Variants in GATM observed in about 807,000 individuals in gnomAD.
The protein encoded by GATM is glycine amidinotransferase.
A neutral mutation model predicts 54.2 loss-of-function variants in GATM; 23 were observed. The observed-to-expected ratio is 0.42, with a 90% CI of 0.31 to 0.60. The LOEUF (loss-of-function observed/expected upper bound fraction) is 0.60. Ranked by LOEUF, GATM falls within the 20% of genes least tolerant of loss-of-function variation. The pLI is 0.14. For synonymous variants in GATM, 168 were observed against 183.1 expected (o/e 0.92, Z 0.67); for missense variants, 401 against 544.9 (o/e 0.74, Z 2.63).
In GATM at chr15:45,361,229, A is replaced by C. The variant is rs989387340; in HGVS notation, c.*880T>G. 17 of 152,186 alleles carry C rather than the reference A, an allele frequency of 1.1e-4. 1 individual carries two copies. Among genetic ancestry groups the C allele is most frequent in the Admixed American group, 9.8e-4 (15 of 15,284 alleles). The allele number at this position is 152,186 out of a possible 1,614,324, so 9.4% of individuals were successfully genotyped here. ...GGTTTTACCTCCATTAGTTTTTTTTAATGCTTATAAAGTCTATGCTCTAAA... is the reference window on the plus strand; with the variant it reads ...GGTTTTACCTCCATTAGTTTTTTTTCATGCTTATAAAGTCTATGCTCTAAA... On this transcript the variant is annotated 3_prime_UTR_variant, in exon 9 of 9. Transcript: ENST00000396659.
chr15:45,363,313 T>C (rs754695383), intron 8 of GATM, among the ~76,000 whole-genome samples: 2 of 152,158 alleles, frequency 1.3e-5, no homozygotes, highest in African/African-American at 2.4e-5. Flanking sequence ...TGAAAATCCT[T>C]TCCCTTCAAC....
intron 2 of GATM, among the ~76,000 whole-genome samples, chr15:45,398,088 G>T (rs1031597631): frequency 6.6e-6 from 1 of 152,116 alleles, no homozygotes; most frequent in Admixed American, 6.6e-5. Context: ...TTAATTATCA[G>T]ATTTATTCAC....
At chr15:45,376,198 G>C (rs906630943) in intron 2 of GATM, among the ~76,000 whole-genome samples, 4 of 152,204 alleles carry the variant, frequency 2.6e-5, no homozygotes, top group Admixed American at 6.5e-5. Context: ...CCCGTAAGGA[G>C]TTTAACTCGT....
intron 8 of GATM, chr15:45,363,650 A>C: frequency 1.8e-6 from 1 of 558,610 alleles, no homozygotes; most frequent in Non-Finnish European, 3.2e-6. Context: ...AACGTTGGCT[A>C]AGTCATATAA....
chr15:45,376,847 T>C (rs1186438276), intron 1 of GATM, 28 bp from the exon 2 acceptor site: 5 of 1,579,964 alleles, frequency 3.2e-6, no homozygotes, highest in African/African-American at 1.3e-5. Flanking sequence ...AAGATTATTG[T>C]ATTGCATTGC....
upstream of GATM, chr15:45,380,103 G>A (rs1204379397): frequency 3.2e-5 from 4 of 126,264 alleles, no homozygotes; most frequent in African/African-American, 1.2e-4. Flanking sequence ...CAGCCTGGGC[G>A]ACAGAGCTAG....
chr15:45,392,100 T>A (rs1253914707), intron 3 of GATM, among the ~76,000 whole-genome samples: 1 of 152,188 alleles, frequency 6.6e-6, no homozygotes, highest in Non-Finnish European at 1.5e-5. Context: ...ATGTAACTCA[T>A]AGAGTTATGA....
At chr15:45,396,033 A>G (rs1889924792) in intron 3 of GATM, 1 of 152,234 alleles carries the variant, frequency 6.6e-6, no homozygotes, top group South Asian at 2.1e-4. Flanking sequence ...AGGGTTTAGA[A>G]AGACAAGGAT....
rs1160942187 is a variant in GATM at position 45,364,355 on chromosome 15, G to C, written c.1043-339C>G. 13 of 326,302 alleles carry C rather than the reference G, an allele frequency of 4.0e-5. No homozygotes were observed. The East Asian group carries it at 8.7e-4, about 22-fold the overall frequency. 20.2% of individuals were successfully genotyped at this position (326,302 alleles called of 1,614,324 possible). On this transcript the variant is annotated intron_variant, in intron 7 of 8. Transcript: ENST00000396659. ...GGTGCCTCACTGGGGAACACAGCAA[G>C]ACATCATCTCTACAAATAAAAAAAA...
chr15:45,389,297 C>G (rs16942588), intron 3 of GATM, among the ~76,000 whole-genome samples: 2,866 of 152,324 alleles, frequency 0.019, 105 homozygotes, highest in African/African-American at 0.066. Context: ...GGTCATTATA[C>G]TGAAATTCAC....
chr15:45,367,635 T>C (rs909042099), intron 4 of GATM, among the ~76,000 whole-genome samples: 1 of 152,222 alleles, frequency 6.6e-6, no homozygotes. Context: ...ATACATTTCA[T>C]TTTACTGTGA....
At chr15:45,396,009 T>C (rs924767617) in intron 3 of GATM, among the ~76,000 whole-genome samples, 2 of 152,196 alleles carry the variant, frequency 1.3e-5, no homozygotes, top group African/African-American at 4.8e-5. Context: ...GCAAGACTCA[T>C]TTTCTGTCCT....
At chr15:45,366,870 C>G (rs1393045618) in intron 4 of GATM, among the ~76,000 whole-genome samples, 1 of 152,178 alleles carries the variant, frequency 6.6e-6, no homozygotes, top group Non-Finnish European at 1.5e-5. Context: ...ATAATTGTTC[C>G]ATTTTATTAT....
chr15:45,364,906 CTAT>C lies in GATM; in HGVS notation c.979-49_979-47del, dbSNP rs200176845. ...CCCAAAACCGTTAAATCTACATATA[CTAT>C]TATTATTATTAGTCTCTAATAGCCC... On this transcript the variant is annotated intron_variant, in intron 6 of 8. Coordinates refer to ENST00000396659, the MANE Select transcript of GATM (RefSeq NM_001482.3). 2,221 of 1,465,880 alleles carry C rather than the reference CTAT, an allele frequency of 1.5e-3. 23 individuals carry two copies. In the African/African-American group the frequency reaches 0.025, roughly 16 times the overall value. The allele number at this position is 1,465,880 out of a possible 1,614,324, so 90.8% of individuals were successfully genotyped here.
chr15:45,365,484 T>C (rs1428784093), intron 6 of GATM, among the ~76,000 whole-genome samples: 1 of 152,160 alleles, frequency 6.6e-6, no homozygotes, highest in African/African-American at 2.4e-5. Context: ...TTTTTAAAAG[T>C]TGTACTGCAG....
chr15:45,372,098 A>G (rs1245390024), intron 2 of GATM, among the ~76,000 whole-genome samples: 3 of 152,230 alleles, frequency 2.0e-5, no homozygotes, highest in Non-Finnish European at 4.4e-5. Context: ...CTGGTAAAAA[A>G]AGGTCCATAG....
Position 45,365,387 on chromosome 15 carries a change from G to A in GATM, c.979-527C>T, listed in dbSNP as rs984079937. ...ATACCCACTTACTATACGAATAAAT[G>A]ATAATAAAATGAAATGAATAAGTAG... is the stretch of plus-strand genomic sequence containing the variant. On this transcript the variant is annotated intron_variant, in intron 6 of 8. Coordinates refer to ENST00000396659, the MANE Select transcript of GATM (RefSeq NM_001482.3). 3.9e-5 allele frequency among the ~76,000 whole-genome samples: 6 copies of A among 152,074 alleles called. No individual in the cohort carries two copies. The East Asian group carries it at 5.8e-4, about 15-fold the overall frequency.
At chr15:45,398,318 C>T (rs1889957280) in intron 2 of GATM, among the ~76,000 whole-genome samples, 1 of 152,142 alleles carries the variant, frequency 6.6e-6, no homozygotes, top group South Asian at 2.1e-4. Context: ...ATTACCTTAA[C>T]ATTAACTTCT....
chr15:45,376,083 T>C (rs1003312927), intron 2 of GATM, among the ~76,000 whole-genome samples: 1 of 152,128 alleles, frequency 6.6e-6, no homozygotes. Flanking sequence ...CTTGATTAAA[T>C]AGGAATGCCA....
Sources: gnomAD v4.1 joint callset for allele counts (sites outside exome capture counted in the v4.1 genomes callset) on GRCh38, gnomAD v4.1.1 for gene constraint, MANE v1.5 for transcripts, NCBI Gene and HGNC (gene_info 2026-07-23, HGNC 2026-07-21) for gene names.